Variants in ADH7 observed in about 807,000 individuals in gnomAD.
ADH7 encodes the protein alcohol dehydrogenase 7 (class IV), mu or sigma polypeptide.
A neutral mutation model predicts 34.4 loss-of-function variants in ADH7; 41 were observed. The observed-to-expected ratio is 1.19, with a 90% confidence interval of 0.93 to 1.55. The LOEUF is 1.55. ADH7 is among the 40% of genes most tolerant of loss of function. The pLI is 0.00. For missense variants in ADH7, 540 were observed against 461.2 expected, an observed-to-expected ratio of 1.17 and a Z score of -1.56; for synonymous variants, 180 against 160.9, an observed-to-expected ratio of 1.12 and a Z score of -0.90.
At chr4:99,435,187 T>A in intron 1 of ADH7, 29 bp downstream of exon 1, 4 of 1,610,460 alleles carry the variant, frequency 2.5e-6, no homozygotes, top group Non-Finnish European at 3.4e-6. Flanking sequence ...TAGGTCATGA[T>A]GAGGAGGGGA....
rs539519608 is a variant in ADH7 at position 99,433,706 on chromosome 4, C to A, written c.18+1510G>T. On this transcript the variant is annotated intron_variant, in intron 1 of 8. Transcript: ENST00000437033. ...AAAAGGGAAGATCATGTGAAGACAG[C>A]GAGAAGAGGGTCATCCACAAGCCAA... is the stretch of plus-strand genomic sequence containing the variant. 3.9e-5 allele frequency among the ~76,000 whole-genome samples: 6 copies of A among 152,134 alleles called. No individual in the cohort carries two copies. The South Asian group carries it at 6.2e-4, about 16-fold the overall frequency.
In ADH7 at chr4:99,415,456, GATC is replaced by G. The variant is rs757744168; in HGVS notation, c.1100+19_1100+21del. 6.2e-7 allele frequency: 1 copy of G among 1,605,704 alleles called. No individual in the cohort carries two copies. The highest frequency in any genetic ancestry group is 8.5e-7 in the Non-Finnish European group (1 of 1,176,252). ...AAAGTAGCCTGTGGAGAAGAGACAA[GATC>G]ATCATAAGAAACAGTTACCTTTGTC... On this transcript the variant is annotated intron_variant, in intron 8 of 8. Transcript: ENST00000437033.
chr4:99,428,106 T>G lies in ADH7; in HGVS notation c.328A>C (p.Asn110His). 6.2e-7 allele frequency: 1 copy of G among 1,614,024 alleles called. No homozygotes were observed. Among genetic ancestry groups the G allele is most frequent in the Non-Finnish European group, 8.5e-7 (1 of 1,179,918 alleles). ...ECNACRNPDG[N>H]LCIRSDITGR... ...ACCTACTCGCTCCTAATGCAAAGGT[T>G]GCCATCTGGGTTGCGACAAGCATTG... The change falls in exon 4 of 9, where the codon AAC becomes CAC. Residue 110 changes from asparagine to histidine, a missense_variant. Coordinates refer to ENST00000437033, the MANE Select transcript of ADH7 (RefSeq NM_000673.7).
chr4:99,429,721 A>G, intron 1 of ADH7, 88 bp from the exon 2 acceptor site: 1 of 832,146 alleles, frequency 1.2e-6, no homozygotes. Context: ...ACAGAAGAGC[A>G]TATATAATAT....
At chr4:99,419,930 G>T (rs752988642) in intron 6 of ADH7, among the ~76,000 whole-genome samples, 2 of 152,010 alleles carry the variant, frequency 1.3e-5, no homozygotes, top group Non-Finnish European at 1.5e-5. Flanking sequence ...GTCTCTTTAC[G>T]CTATGCCAGG....
chr4:99,420,600 A>T lies in ADH7; in HGVS notation c.758T>A (p.Val253Glu), dbSNP rs1721626220. 1 of 1,613,760 alleles carries T rather than the reference A, an allele frequency of 6.2e-7. No homozygotes were observed. The highest frequency in any genetic ancestry group is 1.3e-5 in the African/African-American group (1 of 74,868). The change falls in exon 6 of 9, where the codon GTG (valine) becomes GAG (glutamate). Residue 253 changes from valine (V) to glutamate (E), a missense_variant. Transcript: ENST00000437033. ...PKDSTKPISE[V>E]LSEMTGNNVG... ...GTTGTTGCCTGTCATTTCTGACAGC[A>T]CCTCACTGATGGGTTTGGTAGAGTC...
intron 5 of ADH7, among the ~76,000 whole-genome samples, chr4:99,421,104 C>T (rs1337479208): frequency 1.3e-5 from 2 of 152,096 alleles, no homozygotes; most frequent in East Asian, 3.9e-4. Context: ...AATGTTATCC[C>T]TATCAAGCTA....
At position 99,435,278 on chromosome 4, in the gene ADH7, T is replaced by C; in HGVS notation, c.-45A>G. On this transcript the variant is annotated 5_prime_UTR_variant, in exon 1 of 9. Transcript: ENST00000437033. ...TGTATTTCTGCAAACATAGACTTTT[T>C]CTGACTGATGCTCAGTTCACTCTGT... is the stretch of plus-strand genomic sequence containing the variant. The C allele has an allele frequency of 3.7e-6, 6 of 1,612,872 alleles. No individual in the cohort carries two copies. The highest frequency in any genetic ancestry group is 5.1e-6 in the Non-Finnish European group (6 of 1,179,460).
At chr4:99,429,656 A>C in intron 1 of ADH7, 23 bp from the exon 2 acceptor site, 1 of 1,548,682 alleles carries the variant, frequency 6.5e-7, no homozygotes, top group Non-Finnish European at 8.9e-7. Context: ...CAAGTATTAT[A>C]ATGGGTCTGA....
chr4:99,425,261 T>C (rs1471976941), intron 5 of ADH7, among the ~76,000 whole-genome samples: 1 of 152,132 alleles, frequency 6.6e-6, no homozygotes, highest in Non-Finnish European at 1.5e-5. Context: ...AGACACAGAC[T>C]GGTAAATTCG....
rs764597675 is a variant in ADH7, at chr4:99,428,560, A to G, written c.191T>C (p.Val64Ala). The part of the protein sequence containing the change: ...IKGTMVSKFP[V>A]IVGHEATGIV... ...CCCAGTTGCCTCATGTCCCACAATC[A>G]CTGGAAACTTGGACACCATTGTTCC... is the stretch of plus-strand genomic sequence containing the variant. Residue 64 changes from valine to alanine, a missense_variant, in exon 3 of 9, where the codon GTG (valine) becomes GCG (alanine). Coordinates refer to ENST00000437033, the MANE Select transcript of ADH7 (RefSeq NM_000673.7). 7 of 1,613,898 alleles carry G rather than the reference A, an allele frequency of 4.3e-6. No individual in the cohort carries two copies. The Admixed American group carries it at 1.2e-4, about 27-fold the overall frequency.
chr4:99,435,041 A>G (rs575689240), intron 1 of ADH7, 175 bp downstream of exon 1: 2 of 1,543,074 alleles, frequency 1.3e-6, no homozygotes, highest in African/African-American at 1.4e-5. Context: ...GCTTCCACTG[A>G]CATTCTCTGA....
chr4:99,426,804 A>G (rs1278784852), intron 5 of ADH7, among the ~76,000 whole-genome samples: 2 of 152,204 alleles, frequency 1.3e-5, no homozygotes, highest in Non-Finnish European at 2.9e-5. Context: ...TGATGCAAAA[A>G]TCCTCAATAA....
intron 3 of ADH7, 139 bp from the exon 4 acceptor site, chr4:99,428,313 T>G (rs1465554534): frequency 1.6e-6 from 2 of 1,229,768 alleles, no homozygotes; most frequent in Admixed American, 2.3e-5. Flanking sequence ...AAGGTTTGCC[T>G]TCTAAAGGTT....
chr4:99,428,442 C>G (rs1250271821), intron 3 of ADH7, 50 bp downstream of exon 3: 1 of 1,583,090 alleles, frequency 6.3e-7, no homozygotes, highest in Non-Finnish European at 8.6e-7. Flanking sequence ...CTTTGATAGG[C>G]TAATCAAAGC....
Position 99,428,392 on chromosome 4 carries a change from G to A in ADH7, c.259+100C>T, listed in dbSNP as rs567790264. ...GTATCCTTTTAATTCCCTGAATTGT[G>A]TTAAGGATCCCTCTAATAATTCCTA... On this transcript the variant is annotated intron_variant, in intron 3 of 8. Transcript: ENST00000437033. 1.8e-5 allele frequency: 25 copies of A among 1,410,656 alleles called. No individual in the cohort carries two copies. The African/African-American group carries it at 3.4e-4, about 19-fold the overall frequency. 87.4% of individuals were successfully genotyped at this position (1,410,656 alleles called of 1,614,324 possible). A position where few individuals can be genotyped will look rare whatever the true frequency, so the allele number is the denominator to read the frequency against.
Position 99,426,458 on chromosome 4 carries a change from A to G in ADH7, c.564+1315T>C, listed in dbSNP as rs1364392853. On this transcript the variant is annotated intron_variant, in intron 5 of 8. Coordinates refer to ENST00000437033, the MANE Select transcript of ADH7 (RefSeq NM_000673.7). Reference sequence around the variant, plus strand: ...TCTACGCAAATAAACTAGAAAATCTAGAAGAAATGGATAAATTCCTTGACA... The same window carrying G: ...TCTACGCAAATAAACTAGAAAATCTGGAAGAAATGGATAAATTCCTTGACA... Among the ~76,000 whole-genome samples the G allele has an allele frequency of 3.3e-5, 5 of 152,338 alleles. No homozygotes were observed. The East Asian group carries it at 9.6e-4, about 29-fold the overall frequency.
At chr4:99,420,487 T>C (rs763580121) in intron 6 of ADH7, 46 bp downstream of exon 6, 2 of 1,576,752 alleles carry the variant, frequency 1.3e-6, no homozygotes, top group Non-Finnish European at 1.7e-6. Flanking sequence ...CTTGTGCATG[T>C]CTAATAACTT....
At chr4:99,431,666 G>A (rs1721939763) in intron 1 of ADH7, among the ~76,000 whole-genome samples, 2 of 152,160 alleles carry the variant, frequency 1.3e-5, no homozygotes, top group Non-Finnish European at 1.5e-5. Flanking sequence ...CAAAGGATAT[G>A]AACAGACATT....
Sources: allele counts gnomAD v4.1 joint callset (sites outside exome capture counted in the v4.1 genomes callset), GRCh38; gene constraint gnomAD v4.1.1; transcripts MANE v1.5; gene names NCBI Gene and HGNC (gene_info 2026-07-23, HGNC 2026-07-21).